BMAL1: variants seen among roughly 807,000 people sequenced by gnomAD.
BMAL1 encodes basic helix-loop-helix ARNT-like protein 1.
chr11:13,354,891 C>G, the BMAL1 span: 2 of 229,360 alleles, frequency 8.7e-6, no homozygotes, highest in Non-Finnish European at 1.7e-5. Context: ...GAGTGGAGGT[C>G]CTCTCTGAAA....
the BMAL1 span, among the ~76,000 whole-genome samples, chr11:13,329,107 C>T: frequency 4.6e-5 from 7 of 152,252 alleles, no homozygotes; most frequent in African/African-American, 1.7e-4. Context: ...TCTCATGGTG[C>T]TCACATTCTA....
the BMAL1 span, among the ~76,000 whole-genome samples, chr11:13,293,879 C>T: frequency 6.6e-6 from 1 of 152,128 alleles, no homozygotes; most frequent in Non-Finnish European, 1.5e-5. Flanking sequence ...TGAAACCTTC[C>T]CAAGGCCACC....
the BMAL1 span, among the ~76,000 whole-genome samples, chr11:13,377,091 C>T: frequency 2.0e-5 from 3 of 152,266 alleles, 1 homozygote; most frequent in South Asian, 4.1e-4. Flanking sequence ...AGGTGTCTTT[C>T]GGCACCAGGG....
the BMAL1 span, among the ~76,000 whole-genome samples, chr11:13,328,081 T>C: frequency 6.6e-6 from 1 of 152,216 alleles, no homozygotes; most frequent in Non-Finnish European, 1.5e-5. Flanking sequence ...TATTCACACA[T>C]GAGAACTGGC....
the BMAL1 span, chr11:13,369,901 C>T: frequency 8.9e-7 from 1 of 1,117,640 alleles, no homozygotes; most frequent in Non-Finnish European, 1.3e-6. Context: ...AGACAGGACC[C>T]TGCAGTCCTC....
the BMAL1 span, among the ~76,000 whole-genome samples, chr11:13,349,220 G>A: frequency 6.6e-6 from 1 of 152,238 alleles, no homozygotes; most frequent in Non-Finnish European, 1.5e-5. Context: ...GTTTTCTTTA[G>A]ACCGAGGAGC....
the BMAL1 span, among the ~76,000 whole-genome samples, chr11:13,284,180 G>GTATATATATATGTGTGTA: frequency 9.5e-5 from 2 of 21,140 alleles, no homozygotes; most frequent in African/African-American, 3.0e-4. Context: ...ATATATATGT[G>GTATATATATATGTGTGTA]TATATATATA....
At chr11:13,308,838 T>C in the BMAL1 span, among the ~76,000 whole-genome samples, 2 of 152,066 alleles carry the variant, frequency 1.3e-5, no homozygotes, top group East Asian at 1.9e-4. Flanking sequence ...GTGGGGAGGA[T>C]TGAGTCAGAT....
chr11:13,331,275 T>A, the BMAL1 span, among the ~76,000 whole-genome samples: 1 of 152,342 alleles, frequency 6.6e-6, no homozygotes, highest in South Asian at 2.1e-4. Context: ...AATTTTGGAA[T>A]CTATTTGGAT....
chr11:13,291,290 G>C, the BMAL1 span, among the ~76,000 whole-genome samples: 1 of 152,168 alleles, frequency 6.6e-6, no homozygotes, highest in African/African-American at 2.4e-5. Flanking sequence ...ACCCTATGAG[G>C]GTTTGCAACT....
chr11:13,299,982 A>C, the BMAL1 span, among the ~76,000 whole-genome samples: 1 of 152,190 alleles, frequency 6.6e-6, no homozygotes. Flanking sequence ...GCTCATCCAG[A>C]GATGGATTCG....
chr11:13,288,796 A>C, the BMAL1 span, among the ~76,000 whole-genome samples: 1 of 152,170 alleles, frequency 6.6e-6, no homozygotes. Context: ...CAATTATGTT[A>C]ATCAGCATGG....
At chr11:13,285,243 T>G in the BMAL1 span, among the ~76,000 whole-genome samples, 1 of 152,170 alleles carries the variant, frequency 6.6e-6, no homozygotes, top group African/African-American at 2.4e-5. Context: ...TTTTTAATTG[T>G]TTCATGGTTA....
the BMAL1 span, among the ~76,000 whole-genome samples, chr11:13,335,317 C>T: frequency 0.011 from 1,738 of 152,296 alleles, 41 homozygotes; most frequent in African/African-American, 0.04. Flanking sequence ...TATTCCTTCT[C>T]TTATTCTAGT....
chr11:13,367,515 A>G, the BMAL1 span, among the ~76,000 whole-genome samples: 1 of 152,138 alleles, frequency 6.6e-6, no homozygotes, highest in Non-Finnish European at 1.5e-5. Flanking sequence ...AACCTGGCCA[A>G]CATGGCAAAA....
chr11:13,353,750 T>C, the BMAL1 span, among the ~76,000 whole-genome samples: 1 of 152,260 alleles, frequency 6.6e-6, no homozygotes, highest in South Asian at 2.1e-4. Context: ...CACTTGAACC[T>C]GGGAGGTGGA....
At chr11:13,283,031 G>A in the BMAL1 span, among the ~76,000 whole-genome samples, 1 of 152,206 alleles carries the variant, frequency 6.6e-6, no homozygotes, top group East Asian at 1.9e-4. Context: ...TAACCTCAGG[G>A]GGAGATAAGA....
At chr11:13,334,091 T>G in the BMAL1 span, among the ~76,000 whole-genome samples, 1 of 152,210 alleles carries the variant, frequency 6.6e-6, no homozygotes, top group African/African-American at 2.4e-5. Context: ...AATCACCATA[T>G]GAGGTGAGCC....
At chr11:13,349,617 G>T in the BMAL1 span, among the ~76,000 whole-genome samples, 1 of 152,210 alleles carries the variant, frequency 6.6e-6, no homozygotes, top group Non-Finnish European at 1.5e-5. Context: ...CCCAGTAGGA[G>T]AAATAAAAAA....
Sources: gnomAD v4.1 joint callset for allele counts (sites outside exome capture counted in the v4.1 genomes callset) on GRCh38, gnomAD v4.1.1 for gene constraint, MANE v1.5 for transcripts, NCBI Gene and HGNC (gene_info 2026-07-23, HGNC 2026-07-21) for gene names.